Variants in TNIP1 observed in about 807,000 individuals in gnomAD.
TNIP1 encodes TNFAIP3-interacting protein 1.
A neutral mutation model predicts 86.6 loss-of-function variants in TNIP1; 22 were observed. That is an observed-to-expected ratio of 0.25 (90% CI 0.18 to 0.36). The LOEUF (loss-of-function observed/expected upper bound fraction) is 0.36. Among genes scored for constraint, TNIP1 ranks in the 10% least tolerant of loss-of-function variants. TNIP1 has a pLI of 1.00. For missense variants in TNIP1, 709 were observed against 820.6 expected (o/e 0.86, Z 1.66); for synonymous variants, 294 against 313.0 (o/e 0.94, Z 0.64).
chr5:151,069,455 C>A (rs1031298485), intron 1 of TNIP1, among the ~76,000 whole-genome samples: 1 of 152,152 alleles, frequency 6.6e-6, no homozygotes. Flanking sequence ...AGGGCTGATA[C>A]CTGCCTGATG....
intron 4 of TNIP1, among the ~76,000 whole-genome samples, chr5:151,061,101 G>A (rs920894588): frequency 3.9e-5 from 6 of 152,286 alleles, no homozygotes; most frequent in African/African-American, 4.8e-5. Context: ...ACATCTTTCC[G>A]TCATTCCTAG....
At chr5:151,064,788 T>A (rs1762027012) in intron 2 of TNIP1, among the ~76,000 whole-genome samples, 172 bp downstream of exon 2, 1 of 152,078 alleles carries the variant, frequency 6.6e-6, no homozygotes, top group African/African-American at 2.4e-5. Context: ...GTCACCATGC[T>A]ACATGGTGCA....
chr5:151,060,534 A>G (rs1761425264), intron 4 of TNIP1, 139 bp from the exon 5 acceptor site: 3 of 708,972 alleles, frequency 4.2e-6, no homozygotes, highest in Middle Eastern at 4.8e-4. Context: ...ATCATCTCAC[A>G]TGAGATCACA....
chr5:151,086,139 T>C (rs1397365331), intron 1 of TNIP1, among the ~76,000 whole-genome samples: 1 of 152,196 alleles, frequency 6.6e-6, no homozygotes, highest in Non-Finnish European at 1.5e-5. Context: ...CTCATTCTTA[T>C]GGTAACATTT....
intron 12 of TNIP1, among the ~76,000 whole-genome samples, chr5:151,037,889 G>A (rs1295088350): frequency 3.3e-5 from 5 of 152,190 alleles, no homozygotes; most frequent in Admixed American, 2.6e-4. Context: ...GGGAAGTTAT[G>A]GCTCCACTTT....
At position 151,032,382 on chromosome 5, in the gene TNIP1, G is replaced by A. The variant is rs147425392; in HGVS notation, c.1781C>T (p.Pro594Leu). Residue 594 changes from proline (P) to leucine (L), a missense_variant and splice_region_variant, in exon 17 of 18, where the codon CCG (proline) becomes CTG (leucine). By Grantham distance (98) the Pro-to-Leu change is moderately conservative (BLOSUM62 -3). Transcript: ENST00000521591. ...PLPNSRLFHLPEYTWRLPCGG... is the reference protein window; with the variant it reads ...PLPNSRLFHLLEYTWRLPCGG... ...ACAGGGTAGACGCCAGGTGTATTCC[G>A]GCTGCGACAAAACTGGTGCTTAATA... The A allele has an allele frequency of 7.4e-6, 12 of 1,613,816 alleles. No individual in the cohort carries two copies. Among genetic ancestry groups the A allele is most frequent in the African/African-American group, 1.3e-5 (1 of 74,902 alleles).
rs145882955 is a variant in TNIP1 at position 151,052,247 on chromosome 5, G to T, written c.640C>A (p.Gln214Lys). ...AGAGCCTCGTTCTCCTTCCGAAGCTGCTCACACAGGGTCTGTGGGGCAGGG... is the reference window on the plus strand; with the variant it reads ...AGAGCCTCGTTCTCCTTCCGAAGCTTCTCACACAGGGTCTGTGGGGCAGGG... ...RTSILQTLCE[Q>K]LRKENEALKA... Residue 214 changes from glutamine to lysine, a missense_variant, in exon 7 of 18, where the codon CAG becomes AAG. By Grantham distance (53) the Gln-to-Lys change is moderately conservative. Coordinates refer to ENST00000521591, the MANE Select transcript of TNIP1 (RefSeq NM_006058.5). 8.3e-4 allele frequency: 1,346 copies of T among 1,613,744 alleles called. 1 individual carries two copies. Among genetic ancestry groups the T allele is most frequent in the Non-Finnish European group, 1.1e-3 (1,292 of 1,179,904 alleles).
chr5:151,068,085 G>C (rs1762442196), intron 1 of TNIP1, among the ~76,000 whole-genome samples: 1 of 152,260 alleles, frequency 6.6e-6, no homozygotes, highest in Admixed American at 6.5e-5. Flanking sequence ...TTTAGCCTCA[G>C]GGGGCAGAGC....
chr5:151,075,542 C>T (rs1763291333), intron 1 of TNIP1, among the ~76,000 whole-genome samples: 1 of 152,178 alleles, frequency 6.6e-6, no homozygotes, highest in African/African-American at 2.4e-5. Context: ...TCTTTATGTC[C>T]ATGAGGACCT....
intron 17 of TNIP1, 43 bp from the exon 18 acceptor site, chr5:151,030,790 G>T: frequency 6.6e-7 from 1 of 1,516,978 alleles, no homozygotes; most frequent in South Asian, 1.2e-5. Flanking sequence ...TTATGTGGTA[G>T]AGCGAGTTTC....
At chr5:151,086,493 G>A (rs78053854) in intron 1 of TNIP1, among the ~76,000 whole-genome samples, 17,757 of 152,134 alleles carry the variant, frequency 0.12, 1,157 homozygotes, top group Middle Eastern at 0.21. Flanking sequence ...TGGAGGCAGC[G>A]CCGATTCTTG....
chr5:151,059,613 G>A (rs1581845545), intron 5 of TNIP1, among the ~76,000 whole-genome samples: 1 of 152,286 alleles, frequency 6.6e-6, no homozygotes, highest in African/African-American at 2.4e-5. Flanking sequence ...GGAGAAGGTA[G>A]AAATTTAAGT....
chr5:151,036,658 G>A, intron 13 of TNIP1, 132 bp downstream of exon 13: 1 of 1,347,460 alleles, frequency 7.4e-7, no homozygotes, highest in South Asian at 1.4e-5. Flanking sequence ...GAGCCAGTGG[G>A]GGGCCCTGGC....
At chr5:151,046,400 T>C (rs1409819984) in intron 8 of TNIP1, 2 of 157,738 alleles carry the variant, frequency 1.3e-5, no homozygotes, top group African/African-American at 2.4e-5. Flanking sequence ...GTTGAAGTTA[T>C]ATAAAATGTT....
At chr5:151,054,001 C>T (rs1428161159) in intron 6 of TNIP1, among the ~76,000 whole-genome samples, 1 of 152,240 alleles carries the variant, frequency 6.6e-6, no homozygotes, top group Admixed American at 6.5e-5. Context: ...TGCCTTCCAC[C>T]TCCCAGGCCT....
intron 1 of TNIP1, among the ~76,000 whole-genome samples, chr5:151,068,526 T>C (rs1426538605): frequency 6.6e-6 from 1 of 152,124 alleles, no homozygotes; most frequent in Non-Finnish European, 1.5e-5. Context: ...ACCACGAGGA[T>C]GTTTTCAAAG....
intron 5 of TNIP1, 26 bp from the exon 6 acceptor site, chr5:151,056,983 C>A: frequency 7.1e-7 from 1 of 1,410,318 alleles, no homozygotes; most frequent in East Asian, 2.7e-5. Context: ...GCACACGGCC[C>A]ACTCTTCACC....
intron 16 of TNIP1, chr5:151,033,362 T>TA (rs1757174429): frequency 2.6e-6 from 1 of 378,750 alleles, no homozygotes; most frequent in Admixed American, 4.5e-5. Context: ...CCTGCACTCT[T>TA]ACTCAGCCTT....
At chr5:151,078,989 G>A (rs1763698889) in intron 1 of TNIP1, among the ~76,000 whole-genome samples, 1 of 152,132 alleles carries the variant, frequency 6.6e-6, no homozygotes, top group African/African-American at 2.4e-5. Context: ...CAGCTTCCTG[G>A]GGCCCCGAAA....
Sources: gnomAD v4.1 joint callset for allele counts (sites outside exome capture counted in the v4.1 genomes callset) on GRCh38, gnomAD v4.1.1 for gene constraint, MANE v1.5 for transcripts, NCBI Gene and HGNC (gene_info 2026-07-23, HGNC 2026-07-21) for gene names.